CFHR3: variants seen among roughly 807,000 people sequenced by gnomAD.
CFHR3 encodes the protein complement factor H-related protein 3.
A neutral mutation model predicts 36.0 loss-of-function variants in CFHR3; 22 were observed. The ratio of observed to expected loss-of-function variants is 0.61; its 90% confidence interval spans 0.44 to 0.87. The LOEUF (loss-of-function observed/expected upper bound fraction) is 0.87, where lower values mean the gene tolerates loss of function less well. Ranked by LOEUF, CFHR3 falls within the 40% of genes least tolerant of loss-of-function variation. CFHR3 has a pLI of 0.00. For synonymous variants in CFHR3, 97 were observed against 137.4 expected, an observed-to-expected ratio of 0.71 and a Z score of 2.06; for missense variants, 276 against 401.3, an observed-to-expected ratio of 0.69 and a Z score of 2.67.
rs749153754 is a variant in CFHR3, at chr1:196,778,101, G to T, written c.59-1061G>T. Among the ~76,000 whole-genome samples, 25 of 135,356 alleles carry T rather than the reference G, an allele frequency of 1.8e-4. 3 individuals carry two copies. The highest frequency in any genetic ancestry group is 3.7e-4 in the Non-Finnish European group (24 of 64,148). 88.8% of individuals were successfully genotyped at this position (135,356 alleles called of 152,430 possible). The stretch of plus-strand genomic sequence containing the variant: ...CATAAGAAAATGTAAGAGTATCTCA[G>T]GAGGTTACACAGTGCAGGGAGATTT... On this transcript the variant is annotated intron_variant, in intron 1 of 5. Coordinates refer to ENST00000367425, the MANE Select transcript of CFHR3 (RefSeq NM_021023.6).
chr1:196,784,359 G>A (rs549424027), intron 3 of CFHR3, among the ~76,000 whole-genome samples: 1 of 135,800 alleles, frequency 7.4e-6, no homozygotes, highest in East Asian at 2.0e-4. Context: ...GGGTATCCTT[G>A]TTGACTTTCC....
chr1:196,793,674 T>C lies in CFHR3; in HGVS notation c.*161T>C. The C allele has an allele frequency of 1.5e-6, 1 of 675,512 alleles. No homozygotes were observed. Among genetic ancestry groups the C allele is most frequent in the Non-Finnish European group, 2.3e-6 (1 of 435,610 alleles). 41.8% of individuals were successfully genotyped at this position (675,512 alleles called of 1,614,324 possible). The stretch of plus-strand genomic sequence containing the variant: ...TTTCAATTTGCAACTTAATATATTC[T>C]CAAAAATATATTAAAACAAACTAAA... On this transcript the variant is annotated 3_prime_UTR_variant, in exon 6 of 6. Coordinates refer to ENST00000367425, the MANE Select transcript of CFHR3 (RefSeq NM_021023.6).
At position 196,794,226 on chromosome 1, in the gene CFHR3, A is replaced by T. The variant is rs548562079; in HGVS notation, c.*713A>T. ...ACGCCTGTAATCCTAGCACTTTGAG[A>T]GGCCAAGCTGGCAATCATCAGAGGT... On this transcript the variant is annotated 3_prime_UTR_variant, in exon 6 of 6. Coordinates refer to ENST00000367425, the MANE Select transcript of CFHR3 (RefSeq NM_021023.6). 7.3e-6 allele frequency among the ~76,000 whole-genome samples: 1 copy of T among 137,220 alleles called. No homozygotes were observed. The highest frequency in any genetic ancestry group is 3.0e-5 in the African/African-American group (1 of 32,858). The allele number at this position is 137,220 out of a possible 152,430, so 90.0% of individuals were successfully genotyped here.
Position 196,795,269 on chromosome 1 carries a change from A to G in CFHR3, c.*1756A>G, listed in dbSNP as rs1294905897. On this transcript the variant is annotated 3_prime_UTR_variant, in exon 6 of 6. Coordinates refer to ENST00000367425, the MANE Select transcript of CFHR3 (RefSeq NM_021023.6). ...TGAGATCTAATGGTTTTATAAATGA[A>G]AGTTCCCCTGGACAAGTTCTCTTGC... 7.3e-6 allele frequency: 1 copy of G among 136,134 alleles called. No individual in the cohort carries two copies. Among genetic ancestry groups the G allele is most frequent in the Non-Finnish European group, 1.6e-5 (1 of 64,410 alleles). The allele number at this position is 136,134 out of a possible 1,614,324, so 8.4% of individuals were successfully genotyped here.
chr1:196,780,092 C>A, intron 3 of CFHR3, 119 bp downstream of exon 3: 2 of 1,304,416 alleles, frequency 1.5e-6, no homozygotes, highest in Non-Finnish European at 1.1e-6. Context: ...GTTTTGCCAA[C>A]GGACCTATTT....
intron 3 of CFHR3, among the ~76,000 whole-genome samples, chr1:196,782,498 C>G (rs1293096536): frequency 7.3e-6 from 1 of 136,372 alleles, no homozygotes; most frequent in Non-Finnish European, 1.6e-5. Flanking sequence ...GTTTGTGGTT[C>G]TCCTTGAAGA....
rs1221840670 is a variant in CFHR3 at position 196,786,422 on chromosome 1, G to T, written c.431-1794G>T. On this transcript the variant is annotated intron_variant, in intron 3 of 5. Coordinates refer to ENST00000367425, the MANE Select transcript of CFHR3 (RefSeq NM_021023.6). ...GCCCCCAGAGGTGGAGCCTACAGAG[G>T]CAGGCAGGCCTCCTTGAGCTGTGGT... 4.4e-5 allele frequency among the ~76,000 whole-genome samples: 6 copies of T among 135,746 alleles called. 1 individual carries two copies. The highest frequency in any genetic ancestry group is 9.3e-5 in the Non-Finnish European group (6 of 64,192). The allele number at this position is 135,746 out of a possible 152,430, so 89.1% of individuals were successfully genotyped here.
chr1:196,794,343 GTCCC>G lies in CFHR3; in HGVS notation c.*831_*834del, dbSNP rs1654521762. Among the ~76,000 whole-genome samples the G allele has an allele frequency of 7.3e-6, 1 of 136,428 alleles. No homozygotes were observed. Among genetic ancestry groups the G allele is most frequent in the Non-Finnish European group, 1.6e-5 (1 of 64,406 alleles). 89.5% of individuals were successfully genotyped at this position (136,428 alleles called of 152,430 possible). On this transcript the variant is annotated 3_prime_UTR_variant, in exon 6 of 6. Coordinates refer to ENST00000367425, the MANE Select transcript of CFHR3 (RefSeq NM_021023.6). ...CTCGGCATGATGGCGTGCACCTGTA[GTCCC>G]AGCTACTCAGGAGGCTGAGGTGGGA... is the stretch of plus-strand genomic sequence containing the variant.
chr1:196,782,621 T>A (rs867075642), intron 3 of CFHR3, among the ~76,000 whole-genome samples: 1 of 136,998 alleles, frequency 7.3e-6, no homozygotes, highest in South Asian at 2.6e-4. Flanking sequence ...TATTGGTGTA[T>A]AAGAATGCTT....
chr1:196,782,718 T>C lies in CFHR3; in HGVS notation c.430+2745T>C, dbSNP rs1204590183. ...GAGATTTTGGGCTGAGACAATGGGG[T>C]TTTCTAGATATACAATCATGTCACC... is the stretch of plus-strand genomic sequence containing the variant. On this transcript the variant is annotated intron_variant, in intron 3 of 5. Transcript: ENST00000367425. Among the ~76,000 whole-genome samples the C allele has an allele frequency of 1.5e-5, 2 of 136,204 alleles. 1 individual carries two copies. The highest frequency in any genetic ancestry group is 3.1e-5 in the Non-Finnish European group (2 of 64,414). 89.4% of individuals were successfully genotyped at this position (136,204 alleles called of 152,430 possible). A position where few individuals can be genotyped will look rare whatever the true frequency, so the allele number is the denominator to read the frequency against.
At position 196,789,801 on chromosome 1, in the gene CFHR3, A is replaced by G; in HGVS notation, c.614-244A>G. On this transcript the variant is annotated intron_variant, in intron 4 of 5. Transcript: ENST00000367425. ...GTATTTTTTATTAGAATTAAATAAA[A>G]TAATAAATAGACACCTACATATGTA... The G allele has an allele frequency of 1.1e-5, 14 of 1,238,594 alleles. 2 individuals carry two copies. Among genetic ancestry groups the G allele is most frequent in the Non-Finnish European group, 1.5e-5 (14 of 952,082 alleles). 76.7% of individuals were successfully genotyped at this position (1,238,594 alleles called of 1,614,324 possible).
chr1:196,786,410 G>A (rs1654202656), intron 3 of CFHR3, among the ~76,000 whole-genome samples: 1 of 135,736 alleles, frequency 7.4e-6, no homozygotes, highest in Non-Finnish European at 1.6e-5. Flanking sequence ...CCCAGAGGTG[G>A]AGCCTACAGA....
intron 1 of CFHR3, among the ~76,000 whole-genome samples, chr1:196,778,585 A>G (rs1304734752): frequency 7.3e-6 from 1 of 136,552 alleles, no homozygotes; most frequent in Non-Finnish European, 1.5e-5. Context: ...TGTCAATAAT[A>G]TATCTCATCC....
At position 196,794,510 on chromosome 1, in the gene CFHR3, T is replaced by A. The variant is rs1482118432; in HGVS notation, c.*997T>A. ...GAAAATTCCTATTTAAGGAAATAAT[T>A]CTTTTTCTGATTTATTTAAGGCTAC... On this transcript the variant is annotated 3_prime_UTR_variant, in exon 6 of 6. Coordinates refer to ENST00000367425, the MANE Select transcript of CFHR3 (RefSeq NM_021023.6). The A allele has an allele frequency of 2.6e-6, 1 of 385,300 alleles. No individual in the cohort carries two copies. Among genetic ancestry groups the A allele is most frequent in the Non-Finnish European group, 5.0e-6 (1 of 198,434 alleles). 23.9% of individuals were successfully genotyped at this position (385,300 alleles called of 1,614,324 possible).
intron 5 of CFHR3, among the ~76,000 whole-genome samples, chr1:196,791,110 A>G (rs1654414328): frequency 1.5e-5 from 2 of 136,952 alleles, no homozygotes. Context: ...CTTATATTTT[A>G]TCAGTATTCC....
Position 196,795,397 on chromosome 1 carries a change from T to G in CFHR3, c.*1884T>G, listed in dbSNP as rs1368647286. 7.3e-6 allele frequency: 1 copy of G among 137,184 alleles called. No homozygotes were observed. Among genetic ancestry groups the G allele is most frequent in the East Asian group, 1.9e-4 (1 of 5,136 alleles). The allele number at this position is 137,184 out of a possible 1,614,324, so 8.5% of individuals were successfully genotyped here. ...CTGTGAGTCCATTAAACCTCTTTCC[T>G]TTATAAATTACCTAGTCTCAAGTAT... is the stretch of plus-strand genomic sequence containing the variant. On this transcript the variant is annotated 3_prime_UTR_variant, in exon 6 of 6. Transcript: ENST00000367425.
At chr1:196,788,533 T>C in intron 4 of CFHR3, 135 bp downstream of exon 4, 1 of 1,309,394 alleles carries the variant, frequency 7.6e-7, no homozygotes, top group Non-Finnish European at 1.0e-6. Context: ...CCATTCAACA[T>C]TCTGTGCCAA....
chr1:196,789,821 T>C (rs1305713536), intron 4 of CFHR3: 1 of 1,164,744 alleles, frequency 8.6e-7, no homozygotes, highest in Admixed American at 3.2e-5. Context: ...GACACCTACA[T>C]ATGTATATGT....
At position 196,776,561 on chromosome 1, in the gene CFHR3, A is replaced by G. The variant is rs771847295; in HGVS notation, c.58+1617A>G. 7.3e-5 allele frequency among the ~76,000 whole-genome samples: 10 copies of G among 136,658 alleles called. 1 individual carries two copies. The highest frequency in any genetic ancestry group is 7.7e-3 in the Middle Eastern group (2 of 260). The allele number at this position is 136,658 out of a possible 152,430, so 89.7% of individuals were successfully genotyped here. On this transcript the variant is annotated intron_variant, in intron 1 of 5. Transcript: ENST00000367425. Reference sequence around the variant, plus strand: ...CAATATAACTGGTGTCCATATAAGAAGAGAAAATAAGAACACACCGTATAG... The same window carrying G: ...CAATATAACTGGTGTCCATATAAGAGGAGAAAATAAGAACACACCGTATAG...
Sources: allele counts gnomAD v4.1 joint callset (sites outside exome capture counted in the v4.1 genomes callset), GRCh38; gene constraint gnomAD v4.1.1; transcripts MANE v1.5; gene names NCBI Gene and HGNC (gene_info 2026-07-23, HGNC 2026-07-21).